CSMD1: variants seen among roughly 807,000 people sequenced by gnomAD.
The protein encoded by CSMD1 is CUB and Sushi multiple domains 1, also known as CUB and sushi domain-containing protein 1.
CSMD1 carries 213 observed loss-of-function variants against 417.5 expected under a neutral mutation model. The observed-to-expected ratio is 0.51, with a 90% confidence interval of 0.46 to 0.57. The LOEUF (loss-of-function observed/expected upper bound fraction) is 0.57, where lower values mean the gene tolerates loss of function less well. Among genes scored for constraint, CSMD1 ranks in the 20% least tolerant of loss-of-function variants. The pLI, the probability that CSMD1 is intolerant of heterozygous loss-of-function variation, is 0.00. For synonymous variants in CSMD1, 2,862 were observed against 1,736.8 expected (o/e 1.65, Z -16.11); for missense variants, 6,923 against 4,529.7 (o/e 1.53, Z -15.17).
chr8:4,449,541 G>T (rs180780312), intron 2 of CSMD1, among the ~76,000 whole-genome samples: 2 of 152,266 alleles, frequency 1.3e-5, no homozygotes, highest in African/African-American at 4.8e-5. Context: ...TGAGTCACAG[G>T]AAGTTGGATC....
intron 18 of CSMD1, among the ~76,000 whole-genome samples, chr8:3,378,162 T>G (rs186241868): frequency 1.3e-5 from 2 of 152,314 alleles, no homozygotes; most frequent in East Asian, 1.9e-4. Context: ...CTAGGTCACC[T>G]GCTGGGTAGA....
chr8:4,387,570 C>A (rs371159133), intron 3 of CSMD1, among the ~76,000 whole-genome samples: 177 of 37,190 alleles, frequency 4.8e-3, no homozygotes, highest in East Asian at 7.9e-3. Context: ...TCCAAACTGG[C>A]AAAAAAAAAA....
intron 10 of CSMD1, among the ~76,000 whole-genome samples, chr8:3,557,603 T>C (rs1799213313): frequency 1.3e-5 from 2 of 152,216 alleles, no homozygotes; most frequent in South Asian, 4.1e-4. Context: ...CTCTCACTGC[T>C]TGAGGCTTTC....
intron 3 of CSMD1, among the ~76,000 whole-genome samples, chr8:4,244,600 C>G (rs1296381536): frequency 6.6e-6 from 1 of 151,166 alleles, no homozygotes; most frequent in Non-Finnish European, 1.5e-5. Context: ...AGATCTGTCT[C>G]CCAGAAAAAC....
intron 3 of CSMD1, among the ~76,000 whole-genome samples, chr8:4,217,489 T>C (rs1481320453): frequency 6.6e-6 from 1 of 152,130 alleles, no homozygotes; most frequent in Non-Finnish European, 1.5e-5. Flanking sequence ...AAGGGTCACA[T>C]GACTCGTCCC....
chr8:3,053,547 G>C (rs1170641195), intron 49 of CSMD1, among the ~76,000 whole-genome samples: 2 of 152,110 alleles, frequency 1.3e-5, no homozygotes, highest in Non-Finnish European at 2.9e-5. Context: ...AAGATTCCCA[G>C]GGCAGAAGGC....
chr8:4,263,478 T>G (rs1015042522), intron 3 of CSMD1, among the ~76,000 whole-genome samples: 9 of 152,216 alleles, frequency 5.9e-5, no homozygotes, highest in Admixed American at 1.3e-4. Context: ...TCCAAACTAG[T>G]CCAAATCCTG....
chr8:3,836,652 T>G (rs1351960342), intron 5 of CSMD1, among the ~76,000 whole-genome samples: 1 of 152,226 alleles, frequency 6.6e-6, no homozygotes, highest in East Asian at 1.9e-4. Context: ...ATTCACAACA[T>G]GAGACACGTG....
intron 3 of CSMD1, among the ~76,000 whole-genome samples, chr8:4,098,901 GT>G (rs1554447961): frequency 6.6e-6 from 1 of 152,082 alleles, no homozygotes; most frequent in Non-Finnish European, 1.5e-5. Flanking sequence ...CCAACTGTGG[GT>G]TAGAACCAGT....
At chr8:4,297,380 C>T (rs954882983) in intron 3 of CSMD1, among the ~76,000 whole-genome samples, 3 of 151,920 alleles carry the variant, frequency 2.0e-5, no homozygotes, top group East Asian at 1.9e-4. Flanking sequence ...AGACGTTCAG[C>T]GTACTGTAAT....
chr8:4,493,003 A>C (rs1801785589), intron 2 of CSMD1, among the ~76,000 whole-genome samples: 1 of 152,238 alleles, frequency 6.6e-6, no homozygotes, highest in Non-Finnish European at 1.5e-5. Flanking sequence ...TCTGAAGATC[A>C]AGGTTGTGTC....
At position 3,766,532 on chromosome 8, in the gene CSMD1, A is replaced by G. The variant is rs188063203; in HGVS notation, c.819-12490T>C. Reference sequence around the variant, plus strand: ...CTCCTATAATACTTGGACATTTGAAACAGGGAGCAGTCGGCACTGGCAATG... The same window carrying G: ...CTCCTATAATACTTGGACATTTGAAGCAGGGAGCAGTCGGCACTGGCAATG... On this transcript the variant is annotated intron_variant, in intron 5 of 69. Transcript: ENST00000635120. 2.5e-3 allele frequency among the ~76,000 whole-genome samples: 384 copies of G among 152,250 alleles called. 2 individuals are homozygous for G. The highest frequency in any genetic ancestry group is 8.8e-3 in the African/African-American group (366 of 41,554).
chr8:4,319,135 A>C (rs2128882921), intron 3 of CSMD1, among the ~76,000 whole-genome samples: 1 of 152,268 alleles, frequency 6.6e-6, no homozygotes, highest in East Asian at 1.9e-4. Context: ...AAGCAGATTA[A>C]ATCAAAATTG....
chr8:4,375,573 A>G lies in CSMD1; in HGVS notation c.415+44380T>C, dbSNP rs117920819. ...ACTTCTTACTAACATTAGCATTTCA[A>G]CTGAAGACTCCTACTGAGGAAGAAG... On this transcript the variant is annotated intron_variant, in intron 3 of 69. Transcript: ENST00000635120. Among the ~76,000 whole-genome samples, 420 of 152,200 alleles carry G rather than the reference A, an allele frequency of 2.8e-3. 1 individual carries two copies. The highest frequency in any genetic ancestry group is 4.4e-3 in the Non-Finnish European group (296 of 68,006).
chr8:3,028,352 G>C (rs1422882751), intron 51 of CSMD1, among the ~76,000 whole-genome samples: 1 of 152,110 alleles, frequency 6.6e-6, no homozygotes, highest in Non-Finnish European at 1.5e-5. Flanking sequence ...AAGCTGCAAA[G>C]GTGTGACAAA....
At chr8:4,516,175 C>T (rs762505415) in intron 2 of CSMD1, among the ~76,000 whole-genome samples, 2 of 151,936 alleles carry the variant, frequency 1.3e-5, no homozygotes, top group Non-Finnish European at 2.9e-5. Flanking sequence ...TGACTGGTGC[C>T]TCCTAATAAG....
intron 39 of CSMD1, among the ~76,000 whole-genome samples, chr8:3,155,466 C>G (rs1039721734): frequency 7.5e-5 from 11 of 146,420 alleles, no homozygotes; most frequent in Admixed American, 3.5e-4. Flanking sequence ...CTCCCAGGTT[C>G]ACGCCATTCT....
chr8:3,105,117 A>C (rs779553554), intron 46 of CSMD1, among the ~76,000 whole-genome samples: 1 of 152,266 alleles, frequency 6.6e-6, no homozygotes, highest in African/African-American at 2.4e-5. Context: ...GGCAGTTAAC[A>C]TTATAAAACA....
At position 2,942,702 on chromosome 8, in the gene CSMD1, G is replaced by A. The variant is rs551235452; in HGVS notation, c.10403-98C>T. ...TAAATGGATACGAACTCTTCAAGAAGCAGACGGAGTTGCCATTTCACAGGA... is the reference window on the plus strand; with the variant it reads ...TAAATGGATACGAACTCTTCAAGAAACAGACGGAGTTGCCATTTCACAGGA... On this transcript the variant is annotated intron_variant, in intron 68 of 69. Coordinates refer to ENST00000635120, the MANE Select transcript of CSMD1 (RefSeq NM_033225.6). 77 of 922,002 alleles carry A rather than the reference G, an allele frequency of 8.4e-5. No homozygotes were observed. In the African/African-American group the frequency reaches 1.2e-3, roughly 14 times the overall value. 57.1% of individuals were successfully genotyped at this position (922,002 alleles called of 1,614,324 possible). A position where few individuals can be genotyped will look rare whatever the true frequency, so the allele number is the denominator to read the frequency against.
Sources: gnomAD v4.1 joint callset for allele counts (sites outside exome capture counted in the v4.1 genomes callset) on GRCh38, gnomAD v4.1.1 for gene constraint, MANE v1.5 for transcripts, NCBI Gene and HGNC (gene_info 2026-07-23, HGNC 2026-07-21) for gene names.